The following UMODL1 variants were observed in gnomAD, a reference collection of about 807,000 sequenced individuals.
The protein encoded by UMODL1 is uromodulin-like 1.
UMODL1 carries 128 observed loss-of-function variants against 136.3 expected under a neutral mutation model. That is an observed-to-expected ratio of 0.94 (90% CI 0.81 to 1.09). The LOEUF (loss-of-function observed/expected upper bound fraction) is 1.09. UMODL1 is among the 50% of genes least tolerant of loss of function. The pLI, the probability that UMODL1 is intolerant of heterozygous loss-of-function variation, is 0.00. For missense variants in UMODL1, 1,766 were observed against 1,725.6 expected, an observed-to-expected ratio of 1.02 and a Z score of -0.41; for synonymous variants, 721 against 720.0, an observed-to-expected ratio of 1.00 and a Z score of -0.02.
In UMODL1 at chr21:42,111,125, C is replaced by A; in HGVS notation, c.1899+4C>A. 1.2e-6 allele frequency: 2 copies of A among 1,604,206 alleles called. No individual in the cohort carries two copies. The highest frequency in any genetic ancestry group is 1.7e-6 in the Non-Finnish European group (2 of 1,175,772). Reference sequence around the variant, plus strand: ...AGGAAAAGGCGTGGAGCAGGAGGTGCCCAGCACTGCCCCGGGTCTGGGGAT... The same window carrying A: ...AGGAAAAGGCGTGGAGCAGGAGGTGACCAGCACTGCCCCGGGTCTGGGGAT... On this transcript the variant is annotated splice_donor_region_variant and intron_variant, in intron 11 of 22. Coordinates refer to ENST00000408910, the MANE Select transcript of UMODL1 (RefSeq NM_001004416.3).
rs1159644474 is a variant in UMODL1 at position 42,122,234 on chromosome 21, T to C, written c.2828-597T>C. On this transcript the variant is annotated intron_variant, in intron 16 of 22. Coordinates refer to ENST00000408910, the MANE Select transcript of UMODL1 (RefSeq NM_001004416.3). This position sits in a 1 kb window ranked among gnomAD's most constrained non-coding sequence, Gnocchi z 4.3. ...GCTGTGTCTGGGGTCTGCTTCCATA[T>C]AGACCACCCCGAGAACAGGTGGGTG... 6.6e-6 allele frequency among the ~76,000 whole-genome samples: 1 copy of C among 152,092 alleles called. No individual in the cohort carries two copies.
intron 21 of UMODL1, among the ~76,000 whole-genome samples, chr21:42,134,124 T>A (rs1221610662): frequency 6.6e-6 from 1 of 152,242 alleles, no homozygotes; most frequent in Non-Finnish European, 1.5e-5. Flanking sequence ...TTTCACCATG[T>A]TGGCCAGGAT....
chr21:42,075,388 C>A (rs2066278900), intron 1 of UMODL1, among the ~76,000 whole-genome samples: 1 of 152,208 alleles, frequency 6.6e-6, no homozygotes, highest in African/African-American at 2.4e-5. Context: ...CAACAAACTT[C>A]TCACACACTT....
chr21:42,120,697 T>C (rs922575006), intron 15 of UMODL1: 1 of 168,808 alleles, frequency 5.9e-6, no homozygotes, highest in African/African-American at 2.4e-5. Flanking sequence ...CCCAGCATCA[T>C]GGCGAAAGGC....
chr21:42,062,960 G>A (rs117044095), exon 1 of UMODL1: 163 of 152,372 alleles, frequency 1.1e-3, no homozygotes, highest in Non-Finnish European at 2.0e-3. Flanking sequence ...GGCTGACAGC[G>A]CTGGTTTCCT....
Position 42,085,220 on chromosome 21 carries a change from T to C in UMODL1, c.482-71T>C. On this transcript the variant is annotated intron_variant, in intron 3 of 22. Transcript: ENST00000408910. The surrounding 1 kb of genome is among the most constrained non-coding windows in gnomAD (Gnocchi z 4.5). ...CTCTGGTTCCCTCTCCTGCCCCCTCTCCCACCCCAGCAGCTTTTGTGACTT... is the reference window on the plus strand; with the variant it reads ...CTCTGGTTCCCTCTCCTGCCCCCTCCCCCACCCCAGCAGCTTTTGTGACTT... 6.4e-7 allele frequency: 1 copy of C among 1,567,820 alleles called. No individual in the cohort carries two copies.
At chr21:42,112,314 G>A (rs2066843667) in intron 12 of UMODL1, among the ~76,000 whole-genome samples, 1 of 151,176 alleles carries the variant, frequency 6.6e-6, no homozygotes, top group African/African-American at 2.4e-5. Context: ...TATCTCCCCA[G>A]CTGCTCTGTA....
intron 6 of UMODL1, among the ~76,000 whole-genome samples, chr21:42,092,561 C>A (rs925653343): frequency 5.3e-5 from 8 of 152,198 alleles, no homozygotes; most frequent in African/African-American, 1.7e-4. Context: ...ATATAATATT[C>A]TTTCCCCTCA....
At chr21:42,088,561 C>G in intron 5 of UMODL1, 81 bp downstream of exon 5, 1 of 1,356,934 alleles carries the variant, frequency 7.4e-7, no homozygotes, top group Non-Finnish European at 9.9e-7. Context: ...GACGCTAAAG[C>G]CAGACCAGTC....
intron 21 of UMODL1, among the ~76,000 whole-genome samples, chr21:42,134,600 TTTTAAAATTAGTTAATTAA>T (rs1324262622): frequency 6.6e-6 from 1 of 152,060 alleles, no homozygotes; most frequent in Non-Finnish European, 1.5e-5. Flanking sequence ...ATTTTTTAAT[TTTTAAAATTAGTTAATTAA>T]TTTATTTATT....
At position 42,122,862 on chromosome 21, in the gene UMODL1, C is replaced by T; in HGVS notation, c.2859C>T (p.Thr953=). The change falls in exon 17 of 23, where the codon ACC becomes ACT. Residue 953 remains threonine (T), a synonymous_variant. Coordinates refer to ENST00000408910, the MANE Select transcript of UMODL1 (RefSeq NM_001004416.3). The surrounding 1 kb of genome is among the most constrained non-coding windows in gnomAD (Gnocchi z 4.3). ...GDSPGNETWA[T]SPERPLTTAG... ...CTCCTGGCAATGAAACCTGGGCCAC[C>T]AGCCCAGAGAGGCCTCTCACCACAG... The T allele has an allele frequency of 4.4e-6, 7 of 1,602,550 alleles. No homozygotes were observed. The highest frequency in any genetic ancestry group is 6.0e-6 in the Non-Finnish European group (7 of 1,171,732).
chr21:42,126,374 G>C lies in UMODL1; in HGVS notation c.3177G>C (p.Thr1059=), dbSNP rs371264449. 3.7e-6 allele frequency: 6 copies of C among 1,614,062 alleles called. No homozygotes were observed. The highest frequency in any genetic ancestry group is 5.1e-6 in the Non-Finnish European group (6 of 1,180,040). The change falls in exon 18 of 23, where the codon ACG becomes ACC. Residue 1059 remains threonine (T), a synonymous_variant. Transcript: ENST00000408910. The stretch of plus-strand genomic sequence containing the variant: ...TGACGAACACCGTGGTGAGGACCAC[G>C]CTGAGGAACGACCTGTCCCAGGAGG... ...SNMTNTVVRT[T]LRNDLSQEGI...
intron 2 of UMODL1, among the ~76,000 whole-genome samples, chr21:42,079,454 C>A (rs1164258309): frequency 6.6e-6 from 1 of 152,174 alleles, no homozygotes; most frequent in African/African-American, 2.4e-5. Context: ...TGGGGAGCTG[C>A]AGGGAGTGGA....
intron 14 of UMODL1, among the ~76,000 whole-genome samples, chr21:42,117,366 T>C (rs112334304): frequency 0.038 from 5,754 of 152,332 alleles, 164 homozygotes; most frequent in Middle Eastern, 0.058. Context: ...GCCTTCTGTC[T>C]GTTATAAATA....
intron 1 of UMODL1, among the ~76,000 whole-genome samples, chr21:42,072,082 A>G (rs1292725392): frequency 6.6e-6 from 1 of 151,904 alleles, no homozygotes; most frequent in African/African-American, 2.4e-5. Flanking sequence ...GCCACAATAC[A>G]AAAACAAAAA....
intron 21 of UMODL1, among the ~76,000 whole-genome samples, chr21:42,134,383 C>T (rs965292143): frequency 1.3e-5 from 2 of 152,172 alleles, no homozygotes; most frequent in Admixed American, 1.3e-4. Context: ...CTAGCTGGCC[C>T]ACTTATTTCA....
intron 6 of UMODL1, among the ~76,000 whole-genome samples, chr21:42,092,254 G>T (rs2066500541): frequency 6.6e-6 from 1 of 152,188 alleles, no homozygotes; most frequent in Non-Finnish European, 1.5e-5. Context: ...CAGGCTGAGG[G>T]AAGGAAAGCC....
intron 20 of UMODL1, among the ~76,000 whole-genome samples, chr21:42,128,916 T>C (rs2067097883): frequency 6.6e-6 from 1 of 152,204 alleles, no homozygotes; most frequent in Admixed American, 6.5e-5. Context: ...GGAAACTTAT[T>C]GTCTCTGTTC....
At position 42,102,225 on chromosome 21, in the gene UMODL1, C is replaced by T. The variant is rs1183082789; in HGVS notation, c.1246C>T (p.Leu416Phe). ...AAACCACAACCTGACGGAGAAGTTACTCAACCGCAGCAGTGTGGAGTACCA... is the reference window on the plus strand; with the variant it reads ...AAACCACAACCTGACGGAGAAGTTATTCAACCGCAGCAGTGTGGAGTACCA... Reference protein sequence around the residue: ...IVNHNLTEKLLNRSSVEYQDF... With the variant: ...IVNHNLTEKLFNRSSVEYQDF... The change falls in exon 8 of 23, where the codon CTC becomes TTC. Residue 416 changes from leucine (L) to phenylalanine (F), a missense_variant. By Grantham distance (22) the Leu-to-Phe change is conservative. Coordinates refer to ENST00000408910, the MANE Select transcript of UMODL1 (RefSeq NM_001004416.3). 1 of 1,613,892 alleles carries T rather than the reference C, an allele frequency of 6.2e-7. No homozygotes were observed. Among genetic ancestry groups the T allele is most frequent in the Non-Finnish European group, 8.5e-7 (1 of 1,179,882 alleles).
Sources: gnomAD v4.1 joint callset for allele counts (sites outside exome capture counted in the v4.1 genomes callset) on GRCh38, gnomAD v4.1.1 for gene constraint, Gnocchi (gnomAD v3.1) non-coding constraint, MANE v1.5 for transcripts, NCBI Gene and HGNC (gene_info 2026-07-23, HGNC 2026-07-21) for gene names.